Variants in PDE4D observed in about 807,000 individuals in gnomAD.
PDE4D encodes 3',5'-cyclic-AMP phosphodiesterase 4D.
In PDE4D, 24 loss-of-function variants were observed where a neutral mutation model predicts 87.4. That is an observed-to-expected ratio of 0.27 (90% confidence interval 0.20 to 0.39). The LOEUF (loss-of-function observed/expected upper bound fraction) is 0.39, where lower values mean the gene tolerates loss of function less well. Among genes scored for constraint, PDE4D ranks in the 10% least tolerant of loss-of-function variants. PDE4D has a pLI of 1.00. For missense variants in PDE4D, 714 were observed against 1,041.0 expected (o/e 0.69, Z 4.32); for synonymous variants, 384 against 383.2 (o/e 1.00, Z -0.02).
intron 1 of PDE4D, among the ~76,000 whole-genome samples, chr5:59,695,777 T>G (rs147907975): frequency 1.3e-5 from 2 of 152,032 alleles, no homozygotes; most frequent in Non-Finnish European, 2.9e-5. Flanking sequence ...AATTTTTTGT[T>G]GTTGTATTTT....
intron 5 of PDE4D, among the ~76,000 whole-genome samples, chr5:59,129,715 C>T (rs1404984823): frequency 5.9e-5 from 9 of 152,110 alleles, no homozygotes; most frequent in Middle Eastern, 3.2e-3. Flanking sequence ...TTTTGGTAGA[C>T]GTGCATCACA....
At chr5:60,201,202 A>G (rs1392504869) in intron 1 of PDE4D, among the ~76,000 whole-genome samples, 1 of 148,698 alleles carries the variant, frequency 6.7e-6, no homozygotes, top group South Asian at 2.1e-4. Context: ...TCCCAAAAAG[A>G]AAGCAAAAAA....
At chr5:59,426,396 G>T (rs976036599) in intron 1 of PDE4D, among the ~76,000 whole-genome samples, 1 of 152,088 alleles carries the variant, frequency 6.6e-6, no homozygotes, top group African/African-American at 2.4e-5. Context: ...CACACTTACT[G>T]TATTCCTTCC....
intron 1 of PDE4D, 68 bp downstream of exon 1, chr5:59,893,099 AG>A: frequency 6.9e-7 from 1 of 1,446,520 alleles, no homozygotes; most frequent in African/African-American, 1.4e-5. Flanking sequence ...AAGCCGACTT[AG>A]ATGGAGTATT....
intron 1 of PDE4D, among the ~76,000 whole-genome samples, chr5:60,316,551 CCT>C (rs373161078): frequency 1.3e-5 from 2 of 152,140 alleles, no homozygotes; most frequent in Non-Finnish European, 2.9e-5. Flanking sequence ...AGAGGGCATC[CCT>C]CTGTCTTGTG....
intron 1 of PDE4D, among the ~76,000 whole-genome samples, chr5:60,412,787 T>C (rs1258807467): frequency 1.3e-5 from 2 of 152,218 alleles, no homozygotes; most frequent in Non-Finnish European, 2.9e-5. Context: ...GTAACCACTG[T>C]AAGGTAATAA....
intron 2 of PDE4D, among the ~76,000 whole-genome samples, chr5:60,020,280 T>A (rs2152851984): frequency 6.6e-6 from 1 of 152,236 alleles, no homozygotes; most frequent in Admixed American, 6.5e-5. Flanking sequence ...CATAACACCG[T>A]AACAAATATA....
chr5:59,231,202 T>C (rs889548212), intron 1 of PDE4D, among the ~76,000 whole-genome samples: 1 of 152,202 alleles, frequency 6.6e-6, no homozygotes, highest in Non-Finnish European at 1.5e-5. Flanking sequence ...TTCCTTGAAA[T>C]GGAATCTGGC....
intron 5 of PDE4D, among the ~76,000 whole-genome samples, chr5:59,104,678 G>C (rs1254558285): frequency 1.3e-5 from 2 of 152,018 alleles, no homozygotes; most frequent in Non-Finnish European, 2.9e-5. Context: ...GGGGAACTAG[G>C]AAGAAAAGGA....
intron 6 of PDE4D, among the ~76,000 whole-genome samples, chr5:59,013,511 T>TACTATA (rs142355159): frequency 6.6e-6 from 1 of 150,478 alleles, no homozygotes; most frequent in South Asian, 2.1e-4. Flanking sequence ...CATCAGAGAA[T>TACTATA]AACACCTCTA....
intron 3 of PDE4D, among the ~76,000 whole-genome samples, chr5:59,924,719 T>C (rs1349347206): frequency 6.6e-6 from 1 of 152,184 alleles, no homozygotes; most frequent in Non-Finnish European, 1.5e-5. Context: ...TAAAGGGATT[T>C]CTTAAGAAAA....
chr5:59,686,247 T>A (rs1425047509), intron 1 of PDE4D, among the ~76,000 whole-genome samples: 2 of 152,174 alleles, frequency 1.3e-5, no homozygotes, highest in African/African-American at 2.4e-5. Context: ...ATTACTTGCC[T>A]GCCAAGCCCA....
Position 59,980,929 on chromosome 5 carries a change from C to T in PDE4D, c.272+7559G>A, listed in dbSNP as rs527902308. 2.0e-4 allele frequency among the ~76,000 whole-genome samples: 30 copies of T among 152,274 alleles called. No individual in the cohort carries two copies. The South Asian group carries it at 6.0e-3, about 30-fold the overall frequency. ...CCAGATATTTTAAAGTGCTCCATCA[C>T]TCTTAGAATCTAATTTTAATCTTGA... On this transcript the variant is annotated intron_variant, in intron 3 of 16. Transcript: ENST00000502484.
At chr5:59,940,408 G>T (rs1414204607) in intron 3 of PDE4D, among the ~76,000 whole-genome samples, 1 of 152,184 alleles carries the variant, frequency 6.6e-6, no homozygotes, top group Non-Finnish European at 1.5e-5. Context: ...TAATCCATGT[G>T]AGAGATGATG....
intron 1 of PDE4D, among the ~76,000 whole-genome samples, chr5:59,404,056 G>A (rs1791170552): frequency 6.6e-6 from 1 of 152,318 alleles, no homozygotes; most frequent in East Asian, 1.9e-4. Context: ...GATGACCAAT[G>A]ACATTGCACA....
intron 1 of PDE4D, among the ~76,000 whole-genome samples, chr5:59,404,211 A>G (rs910722377): frequency 9.9e-5 from 15 of 152,212 alleles, no homozygotes; most frequent in Admixed American, 9.8e-4. Context: ...ATCCCTTGTC[A>G]GATGGATAGT....
At chr5:59,370,800 G>A (rs149002988) in intron 1 of PDE4D, among the ~76,000 whole-genome samples, 62 of 152,226 alleles carry the variant, frequency 4.1e-4, no homozygotes, top group African/African-American at 1.4e-3. Flanking sequence ...TCACTGTTCT[G>A]AGAGCCATAT....
intron 1 of PDE4D, among the ~76,000 whole-genome samples, chr5:60,379,011 C>A (rs1273607106): frequency 2.6e-5 from 4 of 152,044 alleles, no homozygotes; most frequent in Non-Finnish European, 4.4e-5. Context: ...ACTGAAGCAC[C>A]TCCCAGGCAG....
At chr5:59,404,695 C>G (rs528309961) in intron 1 of PDE4D, among the ~76,000 whole-genome samples, 2 of 150,610 alleles carry the variant, frequency 1.3e-5, no homozygotes, top group East Asian at 3.9e-4. Flanking sequence ...TTGCTCAGGC[C>G]AATGTCCTGG....
Sources: allele counts gnomAD v4.1 joint callset (sites outside exome capture counted in the v4.1 genomes callset), GRCh38; gene constraint gnomAD v4.1.1; transcripts MANE v1.5; gene names NCBI Gene and HGNC (gene_info 2026-07-23, HGNC 2026-07-21).